Variants in BMX observed in about 807,000 individuals in gnomAD.
The protein encoded by BMX is cytoplasmic tyrosine-protein kinase BMX.
BMX carries 31 observed loss-of-function variants against 59.2 expected under a neutral mutation model. The observed-to-expected ratio is 0.52, with a 90% CI of 0.39 to 0.71. BMX has a LOEUF of 0.71. BMX is among the 30% of genes least tolerant of loss of function. The pLI, the probability that BMX is intolerant of heterozygous loss-of-function variation, is 0.00. For missense variants in BMX, 474 were observed against 491.7 expected, an observed-to-expected ratio of 0.96 and a Z score of 0.34; for synonymous variants, 185 against 181.0, an observed-to-expected ratio of 1.02 and a Z score of -0.18.
chrX:15,509,667 C>T (rs1024342118), intron 3 of BMX, among the ~76,000 whole-genome samples: 9 of 111,113 alleles, frequency 8.1e-5, no homozygotes, highest in African/African-American at 3.0e-4. Context: ...CCTGACCTGC[C>T]TCAGGTCTGA....
intron 11 of BMX, among the ~76,000 whole-genome samples, chrX:15,531,642 A>C (rs766898533): frequency 9.0e-6 from 1 of 110,885 alleles, no homozygotes; most frequent in South Asian, 3.9e-4. Flanking sequence ...CTCCTGCCCC[A>C]CTCCAGGCAG....
chrX:15,544,034 G>C lies in BMX; in HGVS notation c.1676+899G>C, dbSNP rs1310048571. Among the ~76,000 whole-genome samples the C allele has an allele frequency of 3.6e-5, 4 of 111,230 alleles. No homozygotes were observed. The Admixed American group carries it at 3.8e-4, about 11-fold the overall frequency. ...CTCAAAATGACCACAGTTTAGTCTA[G>C]AGGGCAAGTAGATATCCCTGACATT... On this transcript the variant is annotated intron_variant, in intron 16 of 18. Coordinates refer to ENST00000348343, the MANE Select transcript of BMX (RefSeq NM_203281.3).
At chrX:15,536,257 A>T in intron 12 of BMX, 96 bp from the exon 13 acceptor site, 2 of 884,630 alleles carry the variant, frequency 2.3e-6, no homozygotes, top group African/African-American at 3.9e-5. Flanking sequence ...TTGCTTTTTC[A>T]GCCACTTTGG....
At chrX:15,503,893 C>T (rs960996173) in intron 1 of BMX, among the ~76,000 whole-genome samples, 2 of 111,931 alleles carry the variant, frequency 1.8e-5, no homozygotes, top group African/African-American at 6.5e-5. Context: ...TGTGTCACAA[C>T]CTATCCCATG....
In BMX at chrX:15,554,412, A is replaced by T. The variant is rs746384481; in HGVS notation, c.1954-1661A>T. Among the ~76,000 whole-genome samples the T allele has an allele frequency of 5.4e-5, 6 of 111,424 alleles. No individual in the cohort carries two copies. In the South Asian group the frequency reaches 1.9e-3, roughly 34 times the overall value. On this transcript the variant is annotated intron_variant, in intron 18 of 18. Coordinates refer to ENST00000348343, the MANE Select transcript of BMX (RefSeq NM_203281.3). The stretch of plus-strand genomic sequence containing the variant: ...TTAAGGGTCATTTTGTGTCTTTCTG[A>T]ACTGTCATGTCTTTTTTCTTTTTTC...
chrX:15,522,324 T>C, intron 6 of BMX, 22 bp from the exon 7 acceptor site: 1 of 1,208,062 alleles, frequency 8.3e-7, no homozygotes, highest in Non-Finnish European at 1.1e-6. Flanking sequence ...TGTGATGTAT[T>C]AAAATTTCTT....
At chrX:15,536,197 C>G (rs1925332458) in intron 12 of BMX, among the ~76,000 whole-genome samples, 156 bp from the exon 13 acceptor site, 1 of 112,283 alleles carries the variant, frequency 8.9e-6, no homozygotes, top group Admixed American at 9.4e-5. Context: ...AAGTTAAGCA[C>G]AACTACAACT....
intron 13 of BMX, among the ~76,000 whole-genome samples, chrX:15,536,831 C>T (rs1601655260): frequency 9.0e-6 from 1 of 110,965 alleles, no homozygotes; most frequent in East Asian, 2.8e-4. Flanking sequence ...AATCTAAGGA[C>T]ATCGAGTACA....
At chrX:15,547,033 G>C in intron 17 of BMX, 112 bp downstream of exon 17, 1 of 603,917 alleles carries the variant, frequency 1.7e-6, no homozygotes, top group African/African-American at 2.2e-5. Context: ...CACTTACGAA[G>C]TTACACATAT....
intron 7 of BMX, among the ~76,000 whole-genome samples, chrX:15,524,928 G>A (rs1387853727): frequency 8.9e-6 from 1 of 111,954 alleles, no homozygotes; most frequent in African/African-American, 3.2e-5. Context: ...TAGCTAAGAG[G>A]AAAATAAGTT....
chrX:15,544,637 C>A (rs1440136912), intron 16 of BMX, among the ~76,000 whole-genome samples: 1 of 111,124 alleles, frequency 9.0e-6, no homozygotes, highest in African/African-American at 3.3e-5. Flanking sequence ...AGCCATGTAC[C>A]AGCCCTGTTG....
chrX:15,526,055 T>A lies in BMX; in HGVS notation c.844T>A (p.Ser282Thr). Residue 282 changes from serine (S) to threonine (T), a missense_variant, in exon 9 of 19, where the codon TCA becomes ACA. Physicochemically the swap from Ser to Thr is moderately conservative, Grantham distance 58. Transcript: ENST00000348343. ...TSKISWEFPE[S>T]SSSEEEENLD... The stretch of plus-strand genomic sequence containing the variant: ...ACTCTTCTTAAGGGAATTCCCTGAG[T>A]CAAGTTCATCTGAAGAAGAGGAAAA... 1.7e-6 allele frequency: 2 copies of A among 1,208,710 alleles called. No individual in the cohort carries two copies. Among genetic ancestry groups the A allele is most frequent in the Non-Finnish European group, 2.2e-6 (2 of 893,738 alleles).
chrX:15,527,249 T>A (rs1193503199), intron 9 of BMX, among the ~76,000 whole-genome samples: 100 of 3,932 alleles, frequency 0.025, no homozygotes, highest in Admixed American at 0.053. Context: ...CACACACAAA[T>A]ATATATATAT....
rs757894925 is a variant in BMX at position 15,536,323 on chromosome X, T to C, written c.1148-30T>C. 3 of 1,187,405 alleles carry C rather than the reference T, an allele frequency of 2.5e-6. No homozygotes were observed. In the East Asian group the frequency reaches 8.9e-5, roughly 35 times the overall value. On this transcript the variant is annotated intron_variant, in intron 12 of 18. Transcript: ENST00000348343. ...AATGTGATGGGATATGATATAATGA[T>C]GTGATGATATGATGCTGATTCCATT... is the stretch of plus-strand genomic sequence containing the variant.
rs149800709 is a variant in BMX, at chrX:15,516,168, G to A, written c.382G>A (p.Gly128Arg). 53 of 1,210,000 alleles carry A rather than the reference G, an allele frequency of 4.4e-5. No homozygotes were observed. Among genetic ancestry groups the A allele is most frequent in the Non-Finnish European group, 5.5e-5 (49 of 894,848 alleles). ...VKYHSGFFVD[G>R]KFLCCQQSCK... ...GTACCATAGTGGGTTCTTCGTGGAC[G>A]GGAAGTTCCTGTGTTGCCAGCAGAG... Residue 128 changes from glycine (G) to arginine (R), a missense_variant, in exon 5 of 19, where the codon GGG (glycine) becomes AGG (arginine). Physicochemically the swap from Gly to Arg is moderately radical, Grantham distance 125. Coordinates refer to ENST00000348343, the MANE Select transcript of BMX (RefSeq NM_203281.3).
At chrX:15,516,005 T>G (rs974014175) in intron 4 of BMX, 107 bp from the exon 5 acceptor site, 1 of 1,063,858 alleles carries the variant, frequency 9.4e-7, no homozygotes, top group Non-Finnish European at 1.3e-6. Flanking sequence ...CCTTGGTTGC[T>G]GGCCAAATGG....
At chrX:15,510,556 C>A (rs756083832) in intron 3 of BMX, among the ~76,000 whole-genome samples, 3 of 110,939 alleles carry the variant, frequency 2.7e-5, no homozygotes, top group African/African-American at 9.8e-5. Flanking sequence ...TTGGGGGAAA[C>A]CAGGGGAGGG....
intron 14 of BMX, among the ~76,000 whole-genome samples, chrX:15,541,460 A>C (rs998987704): frequency 1.8e-5 from 2 of 111,396 alleles, no homozygotes; most frequent in Non-Finnish European, 3.8e-5. Context: ...TTGTTATTCA[A>C]AAATAATGAA....
chrX:15,532,890 A>C (rs769791997), intron 11 of BMX, among the ~76,000 whole-genome samples: 1 of 112,702 alleles, frequency 8.9e-6, no homozygotes, highest in South Asian at 3.6e-4. Flanking sequence ...TTTGTTGACT[A>C]TCAAAAGTTT....
Sources: allele counts gnomAD v4.1 joint callset (sites outside exome capture counted in the v4.1 genomes callset), GRCh38; gene constraint gnomAD v4.1.1; transcripts MANE v1.5; gene names NCBI Gene and HGNC (gene_info 2026-07-23, HGNC 2026-07-21).